SEM1: variants seen among roughly 807,000 people sequenced by gnomAD.
SEM1 encodes SEM1 26S proteasome subunit.
SEM1 carries 3 observed loss-of-function variants against 12.7 expected under a neutral mutation model. The observed-to-expected ratio is 0.24, with a 90% CI of 0.11 to 0.61. The LOEUF (loss-of-function observed/expected upper bound fraction) is 0.61, where lower values mean the gene tolerates loss of function less well. Ranked by LOEUF, SEM1 falls within the 20% of genes least tolerant of loss-of-function variation. The probability of loss-of-function intolerance (pLI) is 0.88; values close to 1 mark genes in which losing one functional copy is unlikely to be tolerated. For synonymous variants in SEM1, 30 were observed against 27.8 expected (o/e 1.08, Z -0.25); for missense variants, 59 against 81.3 (o/e 0.73, Z 1.06).
chr7:96,547,461 G>T (rs921463457), intron 2 of SEM1, among the ~76,000 whole-genome samples: 4 of 152,090 alleles, frequency 2.6e-5, no homozygotes, highest in African/African-American at 9.7e-5. Context: ...TTTGAAAAGT[G>T]GCATATGTTT....
chr7:96,606,324 CA>C (rs1207992676), intron 2 of SEM1, among the ~76,000 whole-genome samples: 4 of 152,086 alleles, frequency 2.6e-5, no homozygotes, highest in Non-Finnish European at 5.9e-5. Flanking sequence ...AGAACAAGGG[CA>C]AAAAATATGG....
intron 2 of SEM1, among the ~76,000 whole-genome samples, chr7:96,636,920 T>C (rs1395923560): frequency 1.3e-5 from 2 of 152,086 alleles, no homozygotes; most frequent in Non-Finnish European, 2.9e-5. Context: ...GGATCTGAAT[T>C]TCTGCATCTG....
At chr7:96,574,957 A>G (rs959223731) in intron 2 of SEM1, among the ~76,000 whole-genome samples, 1 of 152,012 alleles carries the variant, frequency 6.6e-6, no homozygotes, top group Non-Finnish European at 1.5e-5. Flanking sequence ...TCTGAAGCCT[A>G]TTTCTGTCAA....
chr7:96,612,961 A>G lies in SEM1; in HGVS notation c.170+81837T>C, dbSNP rs28551545. 3.8e-4 allele frequency among the ~76,000 whole-genome samples: 4 copies of G among 10,474 alleles called. No individual in the cohort carries two copies. The East Asian group carries it at 0.068, about 179-fold the overall frequency. The allele number at this position is 10,474 out of a possible 152,430, so 6.9% of individuals were successfully genotyped here. On this transcript the variant is annotated intron_variant and NMD_transcript_variant, in intron 2 of 3. Transcript: ENST00000466986. ...AATATAGTTGTTTTTAATTTAAAAA[A>G]TTAAAACTTTTTTAAATGAAGAAAA...
intron 2 of SEM1, among the ~76,000 whole-genome samples, chr7:96,531,207 A>G (rs1165606190): frequency 2.6e-5 from 4 of 152,094 alleles, no homozygotes; most frequent in Non-Finnish European, 4.4e-5. Flanking sequence ...ATGAAAATTT[A>G]TGCTCTAATA....
intron 2 of SEM1, among the ~76,000 whole-genome samples, chr7:96,581,352 C>A (rs1584781648): frequency 6.6e-6 from 1 of 152,092 alleles, no homozygotes; most frequent in Admixed American, 6.6e-5. Context: ...GTACCAGTAC[C>A]ATGCTGTTTT....
At chr7:96,594,916 G>A (rs1344043060) in intron 2 of SEM1, among the ~76,000 whole-genome samples, 1 of 151,982 alleles carries the variant, frequency 6.6e-6, no homozygotes, top group East Asian at 1.9e-4. Flanking sequence ...TAAAACAAAA[G>A]GAGTAGTTTA....
chr7:96,540,560 T>C (rs1804913579), intron 2 of SEM1, among the ~76,000 whole-genome samples: 1 of 151,806 alleles, frequency 6.6e-6, no homozygotes, highest in African/African-American at 2.4e-5. Flanking sequence ...ATAGATAAAC[T>C]TCACCTATAA....
intron 2 of SEM1, among the ~76,000 whole-genome samples, chr7:96,604,605 A>G (rs1349882976): frequency 6.6e-6 from 1 of 152,034 alleles, no homozygotes; most frequent in African/African-American, 2.4e-5. Context: ...GGTGAATATC[A>G]TGAACTCTGG....
chr7:96,519,811 G>A (rs1804214067), intron 2 of SEM1, among the ~76,000 whole-genome samples: 1 of 152,084 alleles, frequency 6.6e-6, no homozygotes, highest in South Asian at 2.1e-4. Context: ...CAGGTAAGGG[G>A]GGTTATTCCG....
At chr7:96,686,158 G>A (rs1309686956), downstream of SEM1, among the ~76,000 whole-genome samples, 5 of 151,916 alleles carry the variant, frequency 3.3e-5, no homozygotes, top group Non-Finnish European at 5.9e-5. Context: ...TCACAGGGTG[G>A]GTCACTGTGA....
At chr7:96,678,688 C>T (rs952076344) in intron 2 of SEM1, among the ~76,000 whole-genome samples, 2 of 152,082 alleles carry the variant, frequency 1.3e-5, no homozygotes, top group Admixed American at 1.3e-4. Flanking sequence ...TGACATCACT[C>T]ATTTAATTCC....
chr7:96,578,741 C>G (rs2116038066), intron 2 of SEM1, among the ~76,000 whole-genome samples: 1 of 152,280 alleles, frequency 6.6e-6, no homozygotes, highest in African/African-American at 2.4e-5. Flanking sequence ...CTGAGACAAT[C>G]CTATTTTATG....
At chr7:96,566,020 A>G (rs1563063268) in intron 2 of SEM1, among the ~76,000 whole-genome samples, 1 of 151,842 alleles carries the variant, frequency 6.6e-6, no homozygotes, top group African/African-American at 2.4e-5. Context: ...TTTAGTCCAA[A>G]TCATACAGTC....
intron 2 of SEM1, among the ~76,000 whole-genome samples, chr7:96,572,585 G>T (rs1457279180): frequency 6.6e-6 from 1 of 152,146 alleles, no homozygotes; most frequent in East Asian, 1.9e-4. Flanking sequence ...TCATGTAGTT[G>T]TGCGGTTTTG....
chr7:96,576,792 A>G (rs981424588), intron 2 of SEM1, among the ~76,000 whole-genome samples: 2 of 152,130 alleles, frequency 1.3e-5, no homozygotes, highest in African/African-American at 4.8e-5. Context: ...AGAAGCCATC[A>G]CAAAAACCTT....
intron 2 of SEM1, among the ~76,000 whole-genome samples, chr7:96,629,334 T>C (rs1215073126): frequency 2.0e-5 from 3 of 151,982 alleles, no homozygotes; most frequent in African/African-American, 7.2e-5. Context: ...GCTTTTTTAT[T>C]CTTTTTTGTG....
At chr7:96,500,629 C>G (rs1803497472), upstream of SEM1, among the ~76,000 whole-genome samples, 1 of 152,128 alleles carries the variant, frequency 6.6e-6, no homozygotes, top group Non-Finnish European at 1.5e-5. Flanking sequence ...GTTTAGAGAT[C>G]TCAGCTTTAA....
At chr7:96,676,332 T>C (rs1052319789) in intron 2 of SEM1, among the ~76,000 whole-genome samples, 2 of 152,172 alleles carry the variant, frequency 1.3e-5, no homozygotes, top group Non-Finnish European at 2.9e-5. Context: ...GGTTGAATGA[T>C]TGAACAACCT....
Sources: allele counts gnomAD v4.1 joint callset (sites outside exome capture counted in the v4.1 genomes callset), GRCh38; gene constraint gnomAD v4.1.1; transcripts MANE v1.5; gene names NCBI Gene and HGNC (gene_info 2026-07-23, HGNC 2026-07-21).